The following IQSEC1 variants were observed in gnomAD, a reference collection of about 807,000 sequenced individuals.
IQSEC1 encodes the protein IQ motif and SEC7 domain-containing protein 1.
A neutral mutation model predicts 91.0 loss-of-function variants in IQSEC1; 31 were observed. The observed-to-expected ratio is 0.34, with a 90% CI of 0.26 to 0.46. IQSEC1 has a LOEUF of 0.46. Among genes scored for constraint, IQSEC1 ranks in the 20% least tolerant of loss-of-function variants. The pLI, the probability that IQSEC1 is intolerant of heterozygous loss-of-function variation, is 1.00. For synonymous variants in IQSEC1, 699 were observed against 662.6 expected (o/e 1.05, Z -0.84); for missense variants, 1,388 against 1,575.6 (o/e 0.88, Z 2.02).
chr3:13,101,215 C>T (rs1273970206), intron 2 of IQSEC1, among the ~76,000 whole-genome samples: 1 of 152,166 alleles, frequency 6.6e-6, no homozygotes, highest in African/African-American at 2.4e-5. Flanking sequence ...GGCGCGGTGG[C>T]TCACGCCTGT....
chr3:13,025,191 A>G (rs1177239224), intron 1 of IQSEC1, among the ~76,000 whole-genome samples: 1 of 152,216 alleles, frequency 6.6e-6, no homozygotes, highest in African/African-American at 2.4e-5. Flanking sequence ...GAGTGGGGGA[A>G]GCGAGGGCAG....
chr3:13,095,486 C>T (rs971455838), intron 2 of IQSEC1, among the ~76,000 whole-genome samples: 1 of 152,154 alleles, frequency 6.6e-6, no homozygotes, highest in Admixed American at 6.6e-5. Context: ...ACATTTGAGA[C>T]ATGTGTTTCC....
At chr3:13,169,748 T>C (rs1211849430) in intron 1 of IQSEC1, among the ~76,000 whole-genome samples, 1 of 152,186 alleles carries the variant, frequency 6.6e-6, no homozygotes, top group African/African-American at 2.4e-5. Flanking sequence ...TAGAGATTTG[T>C]GGAACTTTGA....
At chr3:13,071,887 C>G (rs1226902728) in intron 1 of IQSEC1, among the ~76,000 whole-genome samples, 1 of 152,194 alleles carries the variant, frequency 6.6e-6, no homozygotes, top group Non-Finnish European at 1.5e-5. Context: ...CCACCGCCAT[C>G]CCCCGTGGGT....
At chr3:13,053,454 G>A (rs887080290) in intron 1 of IQSEC1, among the ~76,000 whole-genome samples, 3 of 152,226 alleles carry the variant, frequency 2.0e-5, no homozygotes, top group Admixed American at 2.0e-4. Flanking sequence ...CCTCAGGGCG[G>A]GGTCTAGGTG....
intron 2 of IQSEC1, among the ~76,000 whole-genome samples, chr3:13,097,420 C>CA (rs1307027251): frequency 6.6e-6 from 1 of 152,196 alleles, no homozygotes; most frequent in Non-Finnish European, 1.5e-5. Context: ...CCTGGCTGTC[C>CA]ACCATAAGCC....
At chr3:13,251,993 A>G (rs1695200469) in intron 1 of IQSEC1, among the ~76,000 whole-genome samples, 1 of 152,238 alleles carries the variant, frequency 6.6e-6, no homozygotes, top group African/African-American at 2.4e-5. Context: ...CCCAGTGCTC[A>G]CTATGCCCCA....
chr3:13,211,855 C>G lies in IQSEC1; in HGVS notation c.273-47722G>C, dbSNP rs1051854847. ...CCTCCATGCAGCCCTCGCCCACCCT[C>G]GCAGGCACAGTCCCTCCACGCTGGT... On this transcript the variant is annotated intron_variant, in intron 1 of 15. Coordinates refer to the IQSEC1 transcript ENST00000648114. This position sits in a 1 kb window ranked among gnomAD's most constrained non-coding sequence, Gnocchi z 5.3. Among the ~76,000 whole-genome samples, 2 of 152,238 alleles carry G rather than the reference C, an allele frequency of 1.3e-5. No homozygotes were observed. The highest frequency in any genetic ancestry group is 2.9e-5 in the Non-Finnish European group (2 of 68,046).
chr3:13,027,157 T>C (rs562650821), intron 1 of IQSEC1, among the ~76,000 whole-genome samples: 1 of 152,300 alleles, frequency 6.6e-6, no homozygotes, highest in South Asian at 2.1e-4. Context: ...GGTGCTGGAA[T>C]GCCCGTTTTC....
At chr3:13,158,799 TA>T (rs1021041262) in intron 2 of IQSEC1, among the ~76,000 whole-genome samples, 1 of 151,978 alleles carries the variant, frequency 6.6e-6, no homozygotes, top group African/African-American at 2.4e-5. Context: ...CTGTCTCTAC[TA>T]AAAATACAAA....
At chr3:12,968,157 C>A (rs996243636) in intron 1 of IQSEC1, among the ~76,000 whole-genome samples, 2 of 152,218 alleles carry the variant, frequency 1.3e-5, no homozygotes, top group African/African-American at 2.4e-5. Context: ...GATGCCTACT[C>A]AACATCTGCC....
chr3:12,996,723 A>T (rs1278728448), intron 1 of IQSEC1, among the ~76,000 whole-genome samples: 2 of 152,234 alleles, frequency 1.3e-5, no homozygotes, highest in Admixed American at 1.3e-4. Context: ...TCGATAGGAA[A>T]AAGATGACTA....
intron 1 of IQSEC1, among the ~76,000 whole-genome samples, chr3:13,058,729 G>A (rs979691899): frequency 1.3e-5 from 2 of 152,220 alleles, no homozygotes; most frequent in African/African-American, 4.8e-5. Flanking sequence ...TGCATGAGAG[G>A]AAGGAGCTGG....
intron 1 of IQSEC1, among the ~76,000 whole-genome samples, chr3:13,216,866 C>T (rs1170261092): frequency 6.6e-6 from 1 of 152,202 alleles, no homozygotes; most frequent in African/African-American, 2.4e-5. Context: ...CACTCCAGAA[C>T]ATATGGACGC....
chr3:13,050,158 C>G (rs970975019), intron 1 of IQSEC1, among the ~76,000 whole-genome samples: 15 of 151,572 alleles, frequency 9.9e-5, no homozygotes, highest in African/African-American at 3.2e-4. Context: ...ATAGCTAGGA[C>G]TGGCTCTGAA....
intron 1 of IQSEC1, among the ~76,000 whole-genome samples, chr3:13,248,896 C>T (rs1344497306): frequency 2.1e-5 from 2 of 93,750 alleles, no homozygotes; most frequent in Non-Finnish European, 3.8e-5. Flanking sequence ...CCCGAGGTCA[C>T]GTAGCTGCAC....
At position 13,148,532 on chromosome 3, in the gene IQSEC1, T is replaced by A. The variant is rs562759032; in HGVS notation, c.302+15572A>T. 4.6e-5 allele frequency among the ~76,000 whole-genome samples: 7 copies of A among 152,252 alleles called. No individual in the cohort carries two copies. The South Asian group carries it at 1.5e-3, about 32-fold the overall frequency. ...AAGTGAAAGGCACTGGGAAAAAAAATTGCAGGTTTATGGGTTTTTGTTTTG... is the reference window on the plus strand; with the variant it reads ...AAGTGAAAGGCACTGGGAAAAAAAAATGCAGGTTTATGGGTTTTTGTTTTG... On this transcript the variant is annotated intron_variant, in intron 2 of 15. Coordinates refer to the IQSEC1 transcript ENST00000648114.
At chr3:12,919,702 G>C (rs1014817853) in intron 6 of IQSEC1, among the ~76,000 whole-genome samples, 4 of 152,226 alleles carry the variant, frequency 2.6e-5, no homozygotes, top group South Asian at 2.1e-4. Context: ...CCCACCCTCA[G>C]CTCTTGCAGC....
At chr3:13,163,428 C>T (rs1013243043) in intron 2 of IQSEC1, among the ~76,000 whole-genome samples, 5 of 152,196 alleles carry the variant, frequency 3.3e-5, no homozygotes. Flanking sequence ...CCCAGCCTCA[C>T]CATGCTGACC....
Sources: allele counts gnomAD v4.1 joint callset (sites outside exome capture counted in the v4.1 genomes callset), GRCh38; gene constraint gnomAD v4.1.1; non-coding constraint Gnocchi (gnomAD v3.1); transcripts MANE v1.5; gene names NCBI Gene and HGNC (gene_info 2026-07-23, HGNC 2026-07-21).